GARRE1: variants seen among roughly 807,000 people sequenced by gnomAD.
GARRE1 encodes granule associated Rac and RHOG effector 1.
GARRE1 carries 49 observed loss-of-function variants against 103.2 expected under a neutral mutation model. The ratio of observed to expected loss-of-function variants is 0.47; its 90% CI spans 0.38 to 0.60. GARRE1 has a LOEUF of 0.60. Among genes scored for constraint, GARRE1 ranks in the 20% least tolerant of loss-of-function variants. The pLI, the probability that GARRE1 is intolerant of heterozygous loss-of-function variation, is 0.00. For missense variants in GARRE1, 1,199 were observed against 1,370.5 expected (o/e 0.87, Z 1.98); for synonymous variants, 505 against 532.8 (o/e 0.95, Z 0.72).
intron 8 of GARRE1, among the ~76,000 whole-genome samples, chr19:34,336,929 T>G (rs1005599903): frequency 3.3e-5 from 5 of 152,208 alleles, no homozygotes; most frequent in Non-Finnish European, 7.3e-5. Flanking sequence ...AAACTCTCCC[T>G]GTGGGGTTGA....
rs145365635 is a variant in GARRE1, at chr19:34,269,234, C to T, written c.-796+14620C>T. 2.8e-3 allele frequency among the ~76,000 whole-genome samples: 432 copies of T among 152,250 alleles called. 4 individuals are homozygous for T. Among genetic ancestry groups the T allele is most frequent in the African/African-American group, 9.7e-3 (404 of 41,532 alleles). The stretch of plus-strand genomic sequence containing the variant: ...ACAGAGCAAATGTCAGTACCAGAGG[C>T]GGTCATGGATCACCACGTGGAAGCA... On this transcript the variant is annotated intron_variant, in intron 1 of 13. Coordinates refer to ENST00000299505, the MANE Select transcript of GARRE1 (RefSeq NM_014686.5).
chr19:34,297,652 T>G (rs183256532), intron 1 of GARRE1, among the ~76,000 whole-genome samples: 2 of 152,342 alleles, frequency 1.3e-5, no homozygotes, highest in African/African-American at 4.8e-5. Flanking sequence ...GGGAACAGCC[T>G]GCCCCGCTTC....
intron 2 of GARRE1, among the ~76,000 whole-genome samples, chr19:34,308,463 CT>C (rs1247269266): frequency 6.6e-6 from 1 of 152,130 alleles, no homozygotes; most frequent in Non-Finnish European, 1.5e-5. Flanking sequence ...TTTTGGCTTA[CT>C]TTTTTGCTGA....
At chr19:34,347,018 G>C (rs2074214475) in intron 10 of GARRE1, among the ~76,000 whole-genome samples, 1 of 152,064 alleles carries the variant, frequency 6.6e-6, no homozygotes, top group South Asian at 2.1e-4. Flanking sequence ...CCACTTCCTG[G>C]GCCCAAGTGA....
chr19:34,327,364 A>T, intron 3 of GARRE1, 57 bp from the exon 4 acceptor site: 1 of 1,514,676 alleles, frequency 6.6e-7, no homozygotes, highest in Non-Finnish European at 9.1e-7. Context: ...TTGTTGGTCT[A>T]ATGTTGCTAG....
intron 1 of GARRE1, among the ~76,000 whole-genome samples, chr19:34,279,161 G>A (rs1357012941): frequency 6.6e-6 from 1 of 152,158 alleles, no homozygotes; most frequent in African/African-American, 2.4e-5. Context: ...CACAGAAGTG[G>A]ATTTCCTGAA....
chr19:34,336,909 T>C (rs965400363), intron 8 of GARRE1, among the ~76,000 whole-genome samples: 1 of 152,166 alleles, frequency 6.6e-6, no homozygotes, highest in Non-Finnish European at 1.5e-5. Context: ...AACACTTGAG[T>C]TTGTTTTGAA....
At chr19:34,293,743 CAT>C (rs1491402486) in intron 1 of GARRE1, among the ~76,000 whole-genome samples, 77 of 113,524 alleles carry the variant, frequency 6.8e-4, no homozygotes, top group African/African-American at 1.9e-3. Context: ...CACACACACA[CAT>C]ATTTCTTTTT....
At chr19:34,329,480 C>CT (rs1447567207) in intron 6 of GARRE1, among the ~76,000 whole-genome samples, 2 of 152,094 alleles carry the variant, frequency 1.3e-5, no homozygotes, top group Non-Finnish European at 2.9e-5. Context: ...GAGAAAATCT[C>CT]TGAGAGTGAT....
chr19:34,336,670 A>G (rs929247354), intron 8 of GARRE1, among the ~76,000 whole-genome samples: 4 of 151,882 alleles, frequency 2.6e-5, no homozygotes, highest in South Asian at 2.1e-4. Flanking sequence ...GGGTTTCACT[A>G]TGTTGGCCAG....
chr19:34,300,796 C>G lies in GARRE1; in HGVS notation c.323C>G (p.Ser108Cys), dbSNP rs763743064. ...TDLFSTVFRN[S>C]HYSKAATQLK... ...CTCTTCAGCACTGTGTTCAGGAACT[C>G]TCACTACTCAAAGGCAGCCACACAG... is the stretch of plus-strand genomic sequence containing the variant. Residue 108 changes from serine to cysteine, a missense_variant, in exon 2 of 14, where the codon TCT becomes TGT. Physicochemically the swap from Ser to Cys is moderately radical, Grantham distance 112 (BLOSUM62 -1). Coordinates refer to ENST00000299505, the MANE Select transcript of GARRE1 (RefSeq NM_014686.5). The G allele has an allele frequency of 6.2e-7, 1 of 1,614,238 alleles. No individual in the cohort carries two copies. The highest frequency in any genetic ancestry group is 8.5e-7 in the Non-Finnish European group (1 of 1,180,044).
At chr19:34,268,737 G>A (rs1396630965) in intron 1 of GARRE1, among the ~76,000 whole-genome samples, 1 of 151,944 alleles carries the variant, frequency 6.6e-6, no homozygotes, top group South Asian at 2.1e-4. Context: ...GAGGTGGGAG[G>A]GTTGCTTGAG....
At position 34,320,097 on chromosome 19, in the gene GARRE1, C is replaced by T; in HGVS notation, c.686C>T (p.Ser229Phe). The T allele has an allele frequency of 6.2e-7, 1 of 1,614,030 alleles. No homozygotes were observed. Among genetic ancestry groups the T allele is most frequent in the Non-Finnish European group, 8.5e-7 (1 of 1,180,034 alleles). The change falls in exon 3 of 14, where the codon TCC becomes TTC. Residue 229 changes from serine (S) to phenylalanine (F), a missense_variant. By Grantham distance (155) the Ser-to-Phe change is radical (BLOSUM62 -2). Transcript: ENST00000299505. ...CCTGAAGTAGAGGAAGCTGTGCGGT[C>T]CTGGCGGGGGGCTGCTGAGGTAACC... is the stretch of plus-strand genomic sequence containing the variant. ...HTPEVEEAVRSWRGAAEATSR... is the reference protein window; with the variant it reads ...HTPEVEEAVRFWRGAAEATSR...
chr19:34,332,443 C>G (rs561850845), intron 7 of GARRE1, among the ~76,000 whole-genome samples: 1 of 151,334 alleles, frequency 6.6e-6, no homozygotes, highest in Admixed American at 6.6e-5. Flanking sequence ...TGAGAAAACA[C>G]TGTAGATTAA....
intron 1 of GARRE1, among the ~76,000 whole-genome samples, chr19:34,287,044 C>T (rs778087921): frequency 6.7e-6 from 1 of 149,982 alleles, no homozygotes; most frequent in Non-Finnish European, 1.5e-5. Context: ...GAGGCTGAGG[C>T]AGGAGAATGG....
chr19:34,263,046 C>G (rs1334932971), intron 1 of GARRE1, among the ~76,000 whole-genome samples: 1 of 151,808 alleles, frequency 6.6e-6, no homozygotes, highest in Non-Finnish European at 1.5e-5. Context: ...AACCCCACCT[C>G]TACTAAAAAT....
Position 34,296,447 on chromosome 19 carries a change from A to C in GARRE1, c.-795-3232A>C, listed in dbSNP as rs377276268. ...CACACTTCCCAAGCTTGGGGTGGGC[A>C]ATGTAGGCAAGTCGATCGAGCTTGT... is the stretch of plus-strand genomic sequence containing the variant. On this transcript the variant is annotated intron_variant, in intron 1 of 13. Transcript: ENST00000299505. 3 of 1,590,628 alleles carry C rather than the reference A, an allele frequency of 1.9e-6. No homozygotes were observed. The African/African-American group carries it at 4.0e-5, about 21-fold the overall frequency.
chr19:34,263,777 G>A (rs993367524), intron 1 of GARRE1, among the ~76,000 whole-genome samples: 4 of 152,082 alleles, frequency 2.6e-5, no homozygotes, highest in Non-Finnish European at 5.9e-5. Context: ...GCGAGTCACC[G>A]CACCCGGTCT....
At position 34,329,160 on chromosome 19, in the gene GARRE1, C is replaced by T. The variant is rs1024001244; in HGVS notation, c.1104+1009C>T. On this transcript the variant is annotated intron_variant, in intron 6 of 13. Coordinates refer to ENST00000299505, the MANE Select transcript of GARRE1 (RefSeq NM_014686.5). ...GAGGTAGGGGTGCTGCCCTTTGGCC[C>T]ACCTGCCACATGGGAACTGATACCC... Among the ~76,000 whole-genome samples the T allele has an allele frequency of 1.4e-4, 21 of 152,266 alleles. 1 individual carries two copies. Among genetic ancestry groups the T allele is most frequent in the Admixed American group, 1.2e-3 (18 of 15,290 alleles).
Sources: allele counts gnomAD v4.1 joint callset (sites outside exome capture counted in the v4.1 genomes callset), GRCh38; gene constraint gnomAD v4.1.1; transcripts MANE v1.5; gene names NCBI Gene and HGNC (gene_info 2026-07-23, HGNC 2026-07-21).